KPNA6: variants seen among roughly 807,000 people sequenced by gnomAD.
KPNA6 encodes the protein karyopherin subunit alpha 6, also known as importin subunit alpha-7.
KPNA6 carries 9 observed loss-of-function variants against 72.0 expected under a neutral mutation model. The observed-to-expected ratio is 0.13, with a 90% CI of 0.08 to 0.22. The LOEUF (loss-of-function observed/expected upper bound fraction) is 0.22, where lower values mean the gene tolerates loss of function less well. Ranked by LOEUF, KPNA6 falls within the 10% of genes least tolerant of loss-of-function variation. The pLI, the probability that KPNA6 is intolerant of heterozygous loss-of-function variation, is 1.00. For missense variants in KPNA6, 374 were observed against 655.7 expected (o/e 0.57, Z 4.69); for synonymous variants, 219 against 242.1 (o/e 0.90, Z 0.89).
At chr1:32,113,074 G>C (rs540756488) in intron 1 of KPNA6, among the ~76,000 whole-genome samples, 4 of 152,144 alleles carry the variant, frequency 2.6e-5, no homozygotes, top group Admixed American at 2.6e-4. Context: ...CCCTGCCACT[G>C]CTTTATCAAC....
intron 10 of KPNA6, 55 bp from the exon 11 acceptor site, chr1:32,166,046 TAAAA>T (rs886174891): frequency 1.3e-6 from 2 of 1,499,258 alleles, no homozygotes; most frequent in Non-Finnish European, 1.8e-6. Context: ...CAAAAAAACA[TAAAA>T]AAAATTAAAA....
intron 4 of KPNA6, 62 bp from the exon 5 acceptor site, chr1:32,158,205 C>G: frequency 9.6e-7 from 1 of 1,042,926 alleles, no homozygotes; most frequent in South Asian, 1.4e-5. Context: ...GCAAGCTGAC[C>G]CCCATGAAGG....
In KPNA6 at chr1:32,159,465, T is replaced by C; in HGVS notation, c.492T>C (p.Ile164=). The C allele has an allele frequency of 6.2e-7, 1 of 1,614,174 alleles. No homozygotes were observed. The highest frequency in any genetic ancestry group is 8.5e-7 in the Non-Finnish European group (1 of 1,180,014). The change falls in exon 6 of 14, where the codon ATT becomes ATC. Residue 164 remains isoleucine, a synonymous_variant. Coordinates refer to ENST00000373625, the MANE Select transcript of KPNA6 (RefSeq NM_012316.5). The part of the protein sequence containing the change: ...SGTSQQTKIV[I]EAGAVPIFIE... ...CCTCTCAGCAGACCAAAATTGTCAT[T>C]GAAGCAGGGGCTGTCCCCATTTTTA...
intron 1 of KPNA6, among the ~76,000 whole-genome samples, chr1:32,115,122 G>A (rs1641307681): frequency 2.0e-5 from 3 of 150,718 alleles, no homozygotes; most frequent in African/African-American, 2.4e-5. Flanking sequence ...TTATAGGCAT[G>A]AGCCACCACA....
intron 1 of KPNA6, among the ~76,000 whole-genome samples, chr1:32,117,390 T>C (rs1334366494): frequency 2.6e-5 from 4 of 151,426 alleles, no homozygotes; most frequent in Non-Finnish European, 5.9e-5. Context: ...GCCAGGCTGG[T>C]CTTGAACTCC....
chr1:32,155,132 AAGAAAAG>A (rs1221563366), intron 2 of KPNA6, among the ~76,000 whole-genome samples: 3 of 149,392 alleles, frequency 2.0e-5, no homozygotes, highest in African/African-American at 7.3e-5. Flanking sequence ...AAAAAAAAAA[AAGAAAAG>A]TAGCTTACTT....
At chr1:32,134,252 G>A (rs577090456) in intron 1 of KPNA6, among the ~76,000 whole-genome samples, 4 of 139,946 alleles carry the variant, frequency 2.9e-5, no homozygotes, top group East Asian at 2.3e-4. Flanking sequence ...ACAACACTTC[G>A]TCTCAAAAAA....
intron 1 of KPNA6, among the ~76,000 whole-genome samples, chr1:32,127,035 G>A (rs1570007205): frequency 6.6e-6 from 1 of 152,242 alleles, no homozygotes; most frequent in East Asian, 1.9e-4. Context: ...TCAGCATTTA[G>A]GCCCTAGATA....
chr1:32,118,027 A>G (rs1641357960), intron 1 of KPNA6, among the ~76,000 whole-genome samples: 1 of 151,758 alleles, frequency 6.6e-6, no homozygotes, highest in African/African-American at 2.4e-5. Flanking sequence ...AGTTCAAACT[A>G]TTCTCCTGCC....
rs1642312091 is a variant in KPNA6, at chr1:32,165,257, C to T, written c.991-848C>T. ...TTTTTAGAGGGTCTCACTATGTTGC[C>T]CCAGCTGGCCTTGAACTCCTGTGCT... On this transcript the variant is annotated intron_variant, in intron 10 of 13. Coordinates refer to ENST00000373625, the MANE Select transcript of KPNA6 (RefSeq NM_012316.5). Among the ~76,000 whole-genome samples, 3 of 152,018 alleles carry T rather than the reference C, an allele frequency of 2.0e-5. No homozygotes were observed. The South Asian group carries it at 6.2e-4, about 32-fold the overall frequency.
intron 1 of KPNA6, among the ~76,000 whole-genome samples, chr1:32,137,021 A>G (rs550567597): frequency 6.6e-6 from 1 of 152,328 alleles, no homozygotes; most frequent in African/African-American, 2.4e-5. Flanking sequence ...TTGCTTTCCA[A>G]ATATACTTGA....
chr1:32,154,812 A>G, intron 2 of KPNA6, 91 bp downstream of exon 2: 7 of 1,403,418 alleles, frequency 5.0e-6, no homozygotes, highest in Non-Finnish European at 6.9e-6. Context: ...TGCCCTGTAG[A>G]AAAGTAGCTT....
chr1:32,132,589 T>C (rs1347987247), intron 1 of KPNA6, among the ~76,000 whole-genome samples: 2 of 152,024 alleles, frequency 1.3e-5, no homozygotes, highest in Non-Finnish European at 2.9e-5. Flanking sequence ...TTCCAGTCAG[T>C]GCAGCCATTT....
intron 11 of KPNA6, 149 bp from the exon 12 acceptor site, chr1:32,167,020 G>A: frequency 1.1e-6 from 1 of 893,908 alleles, no homozygotes; most frequent in East Asian, 2.5e-5. Context: ...GGGTTCTTCT[G>A]TAGTAGCCTG....
chr1:32,140,319 G>T (rs1235387861), intron 1 of KPNA6, among the ~76,000 whole-genome samples: 1 of 152,104 alleles, frequency 6.6e-6, no homozygotes, highest in Non-Finnish European at 1.5e-5. Flanking sequence ...AGGAGGCAGA[G>T]GTTGCAGTGA....
At chr1:32,124,032 CAAAAAAAAAAAA>C (rs771086945) in intron 1 of KPNA6, among the ~76,000 whole-genome samples, 5 of 43,132 alleles carry the variant, frequency 1.2e-4, no homozygotes, top group South Asian at 1.6e-3. Flanking sequence ...GACTCTGTCT[CAAAAAAAAAAAA>C]AAAAAAAAAA....
chr1:32,129,417 C>G (rs1278688969), intron 1 of KPNA6, among the ~76,000 whole-genome samples: 2 of 152,030 alleles, frequency 1.3e-5, no homozygotes, highest in African/African-American at 4.8e-5. Flanking sequence ...CTGTTTGATT[C>G]AAATGCGGTT....
chr1:32,142,371 T>C (rs1641855097), intron 1 of KPNA6, among the ~76,000 whole-genome samples: 1 of 152,100 alleles, frequency 6.6e-6, no homozygotes, highest in Non-Finnish European at 1.5e-5. Context: ...CCCTCTCTTG[T>C]TTTAAGGACA....
intron 1 of KPNA6, among the ~76,000 whole-genome samples, chr1:32,126,734 A>G (rs376916846): frequency 7.4e-4 from 113 of 152,256 alleles, no homozygotes; most frequent in African/African-American, 2.7e-3. Flanking sequence ...CTAATGAGTA[A>G]TGATTGGAAT....
Sources: allele counts gnomAD v4.1 joint callset (sites outside exome capture counted in the v4.1 genomes callset), GRCh38; gene constraint gnomAD v4.1.1; transcripts MANE v1.5; gene names NCBI Gene and HGNC (gene_info 2026-07-23, HGNC 2026-07-21).